Variants in ARMH1 observed in about 807,000 individuals in gnomAD.
The protein encoded by ARMH1 is armadillo like helical domain containing 1.
A neutral mutation model predicts 50.2 loss-of-function variants in ARMH1; 34 were observed. That is an observed-to-expected ratio of 0.68 (90% CI 0.51 to 0.90). The LOEUF is 0.90. ARMH1 is among the 40% of genes least tolerant of loss of function. The probability of loss-of-function intolerance (pLI) is 0.00; values close to 1 mark genes in which losing one functional copy is unlikely to be tolerated. For synonymous variants in ARMH1, 221 were observed against 224.2 expected (o/e 0.99, Z 0.13); for missense variants, 538 against 553.9 (o/e 0.97, Z 0.29).
intron 1 of ARMH1, among the ~76,000 whole-genome samples, chr1:44,677,337 G>T (rs1645170510): frequency 6.6e-6 from 1 of 152,202 alleles, no homozygotes; most frequent in African/African-American, 2.4e-5. Flanking sequence ...CCACCTAGTG[G>T]TGGGTACACA....
intron 6 of ARMH1, among the ~76,000 whole-genome samples, chr1:44,710,546 T>C (rs1646561858): frequency 6.8e-6 from 1 of 146,424 alleles, no homozygotes; most frequent in Non-Finnish European, 1.5e-5. Context: ...GAGGTGGAGC[T>C]TGCAGTGAGC....
In ARMH1 at chr1:44,698,119, T is replaced by C; in HGVS notation, c.332T>C (p.Ile111Thr). The C allele has an allele frequency of 6.4e-7, 1 of 1,552,284 alleles. No individual in the cohort carries two copies. The highest frequency in any genetic ancestry group is 1.4e-5 in the African/African-American group (1 of 73,154). ...EVGGVLTLLE[I>T]LGLEKIKEEA... ...GGAGGTGTCCTAACCCTCTTGGAAA[T>C]ACTTGGGCTAGAGAAGATCAAGGAG... Residue 111 changes from isoleucine (I) to threonine (T), a missense_variant, in exon 4 of 12, where the codon ATA (isoleucine) becomes ACA (threonine). By Grantham distance (89) the Ile-to-Thr change is moderately conservative. Transcript: ENST00000535358.
rs1380513566 is a variant in ARMH1, at chr1:44,725,197, A to G, written c.1190A>G (p.Asn397Ser). Reference sequence around the variant, plus strand: ...ATTCAGGCGGACATCTTGGCGGCCAACACAGTCAATGTTACCAAAGGTGAG... The same window carrying G: ...ATTCAGGCGGACATCTTGGCGGCCAGCACAGTCAATGTTACCAAAGGTGAG... Reference protein sequence around the residue: ...DSIQADILAANTVNVTKALCL... With the variant: ...DSIQADILAASTVNVTKALCL... Residue 397 changes from asparagine (N) to serine (S), a missense_variant, in exon 11 of 12, where the codon AAC (asparagine) becomes AGC (serine). Coordinates refer to ENST00000535358, the MANE Select transcript of ARMH1 (RefSeq NM_001145636.2). 1 of 1,552,008 alleles carries G rather than the reference A, an allele frequency of 6.4e-7. No individual in the cohort carries two copies. Among genetic ancestry groups the G allele is most frequent in the African/African-American group, 1.4e-5 (1 of 73,178 alleles).
At position 44,724,481 on chromosome 1, in the gene ARMH1, C is replaced by A. The variant is rs1290434957; in HGVS notation, c.921-58C>A. 6.6e-7 allele frequency: 1 copy of A among 1,512,204 alleles called. No homozygotes were observed. The highest frequency in any genetic ancestry group is 8.8e-7 in the Non-Finnish European group (1 of 1,133,204). 93.7% of individuals were successfully genotyped at this position (1,512,204 alleles called of 1,614,324 possible). On this transcript the variant is annotated intron_variant, in intron 8 of 11. Transcript: ENST00000535358. The surrounding 1 kb of genome is among the most constrained non-coding windows in gnomAD (Gnocchi z 6.4). ...GGGAGCGCTCCGTGCGCCGGGTGGG[C>A]GGGGGTGTGCGCCGGGTGAGCCCCA... is the stretch of plus-strand genomic sequence containing the variant.
chr1:44,692,992 C>T (rs1212552450), intron 2 of ARMH1: 2 of 152,248 alleles, frequency 1.3e-5, no homozygotes, highest in Admixed American at 6.5e-5. Flanking sequence ...ATCTTCCCAC[C>T]TTAGCCTCCC....
intron 5 of ARMH1, among the ~76,000 whole-genome samples, chr1:44,703,858 C>G (rs1646211598): frequency 1.3e-5 from 2 of 151,044 alleles, no homozygotes; most frequent in Admixed American, 1.3e-4. Context: ...TCAGGAGTAG[C>G]TGGGACTACA....
At chr1:44,684,805 A>G (rs1031451929) in intron 1 of ARMH1, 3 of 152,314 alleles carry the variant, frequency 2.0e-5, no homozygotes, top group African/African-American at 7.2e-5. Flanking sequence ...GCCTCCTTGC[A>G]CAGGGACCTC....
intron 1 of ARMH1, 76 bp from the exon 2 acceptor site, chr1:44,689,600 T>G: frequency 8.6e-7 from 1 of 1,169,158 alleles, no homozygotes; most frequent in Non-Finnish European, 1.2e-6. Context: ...CTGCCTGCAG[T>G]TGATTGCTAG....
intron 6 of ARMH1, among the ~76,000 whole-genome samples, chr1:44,714,581 G>A (rs1320563771): frequency 2.7e-5 from 4 of 146,828 alleles, no homozygotes; most frequent in African/African-American, 2.6e-5. Flanking sequence ...GTGAAACTCC[G>A]TCTCAAAAAA....
intron 2 of ARMH1, 60 bp from the exon 3 acceptor site, chr1:44,697,042 C>T (rs747218408): frequency 3.3e-5 from 43 of 1,309,566 alleles, no homozygotes; most frequent in Admixed American, 1.6e-4. Flanking sequence ...AGATCAGGCA[C>T]GGGCTCTGGC....
chr1:44,719,047 A>AAG (rs57695968), intron 6 of ARMH1, among the ~76,000 whole-genome samples: 9 of 150,838 alleles, frequency 6.0e-5, no homozygotes, highest in African/African-American at 2.2e-4. Flanking sequence ...AAAAAAAAAA[A>AAG]GGCATTTCTG....
rs369731505 is a variant in ARMH1, at chr1:44,722,659, G to A, written c.725-1463G>A. Among the ~76,000 whole-genome samples the A allele has an allele frequency of 5.3e-5, 8 of 151,926 alleles. No homozygotes were observed. In the East Asian group the frequency reaches 1.6e-3, roughly 29 times the overall value. ...CCCAGGAGGCTGAGGCAGGAGTATC[G>A]CTTGAACCCGGGAGGCAGAGGTTGC... On this transcript the variant is annotated intron_variant, in intron 6 of 11. Coordinates refer to ENST00000535358, the MANE Select transcript of ARMH1 (RefSeq NM_001145636.2).
At chr1:44,692,977 A>G (rs1645708006) in intron 2 of ARMH1, 1 of 152,242 alleles carries the variant, frequency 6.6e-6, no homozygotes, top group Non-Finnish European at 1.5e-5. Flanking sequence ...TCCTGGCCTC[A>G]TGCGATCTTC....
At chr1:44,720,958 A>T (rs1174406214) in intron 6 of ARMH1, among the ~76,000 whole-genome samples, 1 of 152,042 alleles carries the variant, frequency 6.6e-6, no homozygotes, top group African/African-American at 2.4e-5. Flanking sequence ...AATCCCTTGA[A>T]CCCAGGAGGT....
At chr1:44,703,675 C>T (rs1299497364) in intron 5 of ARMH1, among the ~76,000 whole-genome samples, 2 of 142,470 alleles carry the variant, frequency 1.4e-5, no homozygotes, top group Admixed American at 7.0e-5. Context: ...TTGCAGTGAG[C>T]CGAGATCGCG....
Position 44,724,148 on chromosome 1 carries a change from G to T in ARMH1, c.751G>T (p.Gly251Cys), listed in dbSNP as rs544864126. The T allele has an allele frequency of 3.6e-5, 56 of 1,551,714 alleles. No individual in the cohort carries two copies. The East Asian group carries it at 8.8e-4, about 24-fold the overall frequency. ...CATCGAGTTGATCAAAGACCTGGTC[G>T]GTTACGATGTGCGCCAGGCGCTGCT... ...EAIELIKDLV[G>C]YDVRQALLKG... The change falls in exon 7 of 12, where the codon GGT (glycine) becomes TGT (cysteine). Residue 251 changes from glycine (G) to cysteine (C), a missense_variant. Gly to Cys is a radical substitution (Grantham distance 159, BLOSUM62 -3). Coordinates refer to ENST00000535358, the MANE Select transcript of ARMH1 (RefSeq NM_001145636.2). This position sits in a 1 kb window ranked among gnomAD's most constrained non-coding sequence, Gnocchi z 6.4.
At chr1:44,685,327 G>C (rs1645433768) in intron 1 of ARMH1, among the ~76,000 whole-genome samples, 3 of 147,616 alleles carry the variant, frequency 2.0e-5, no homozygotes, top group Admixed American at 2.0e-4. Flanking sequence ...TTTTTTTTTC[G>C]AGACAGGGTC....
intron 6 of ARMH1, among the ~76,000 whole-genome samples, chr1:44,722,412 A>T (rs187005553): frequency 3.9e-5 from 6 of 152,054 alleles, no homozygotes; most frequent in Admixed American, 1.3e-4. Flanking sequence ...ATTTAAATTT[A>T]AAAAAAAGTC....
chr1:44,716,005 C>T (rs138229146), intron 6 of ARMH1, among the ~76,000 whole-genome samples: 2 of 152,322 alleles, frequency 1.3e-5, no homozygotes, highest in South Asian at 2.1e-4. Flanking sequence ...AACATTCAAA[C>T]CCTCCTGATG....
Sources: allele counts gnomAD v4.1 joint callset (sites outside exome capture counted in the v4.1 genomes callset), GRCh38; gene constraint gnomAD v4.1.1; non-coding constraint Gnocchi (gnomAD v3.1); transcripts MANE v1.5; gene names NCBI Gene and HGNC (gene_info 2026-07-23, HGNC 2026-07-21).